SLC1A2: variants seen among roughly 807,000 people sequenced by gnomAD.
SLC1A2 encodes solute carrier family 1 member 2.
A neutral mutation model predicts 48.8 loss-of-function variants in SLC1A2; 15 were observed. The ratio of observed to expected loss-of-function variants is 0.31; its 90% CI spans 0.21 to 0.47. The LOEUF is 0.47. Among genes scored for constraint, SLC1A2 ranks in the 20% least tolerant of loss-of-function variants. The pLI is 0.99. For synonymous variants in SLC1A2, 279 were observed against 272.6 expected (o/e 1.02, Z -0.23); for missense variants, 502 against 730.5 (o/e 0.69, Z 3.61).
Position 35,259,502 on chromosome 11 carries a change from G to C in SLC1A2, c.*1392C>G, listed in dbSNP as rs1950363248. On this transcript the variant is annotated 3_prime_UTR_variant, in exon 11 of 11. Coordinates refer to ENST00000278379, the MANE Select transcript of SLC1A2 (RefSeq NM_004171.4). ...TTGCATTACCAATCATTAAGGATTT[G>C]TTGGCTGCCTACTGCATGCAAGGCA... is the stretch of plus-strand genomic sequence containing the variant. 2 of 152,624 alleles carry C rather than the reference G, an allele frequency of 1.3e-5. No homozygotes were observed. Among genetic ancestry groups the C allele is most frequent in the East Asian group, 3.9e-4 (2 of 5,188 alleles). 9.5% of individuals were successfully genotyped at this position (152,624 alleles called of 1,614,324 possible).
chr11:35,401,331 C>T (rs1855134406), intron 1 of SLC1A2, among the ~76,000 whole-genome samples: 1 of 152,168 alleles, frequency 6.6e-6, no homozygotes, highest in Non-Finnish European at 1.5e-5. Flanking sequence ...CAGGGCATTT[C>T]AAAATATGTT....
chr11:35,344,288 G>A (rs1380410814), intron 1 of SLC1A2, among the ~76,000 whole-genome samples: 8 of 152,166 alleles, frequency 5.3e-5, no homozygotes, highest in African/African-American at 7.2e-5. Context: ...ACTGTTGAGC[G>A]GGATATTTAA....
chr11:35,415,819 G>A (rs766984344), intron 1 of SLC1A2, among the ~76,000 whole-genome samples: 1 of 152,146 alleles, frequency 6.6e-6, no homozygotes, highest in Non-Finnish European at 1.5e-5. Context: ...CTGACATACA[G>A]AGTGACCTAG....
At chr11:35,362,161 G>C (rs1163056680) in intron 1 of SLC1A2, among the ~76,000 whole-genome samples, 1 of 152,164 alleles carries the variant, frequency 6.6e-6, no homozygotes, top group Non-Finnish European at 1.5e-5. Flanking sequence ...CCAGACAGCA[G>C]ATGCCCAAGA....
At chr11:35,373,560 C>G (rs9736291) in intron 1 of SLC1A2, among the ~76,000 whole-genome samples, 1 of 152,134 alleles carries the variant, frequency 6.6e-6, no homozygotes, top group African/African-American at 2.4e-5. Flanking sequence ...CAAGGTGAAA[C>G]TAAGTGGGAA....
chr11:35,412,465 G>A (rs568143375), intron 1 of SLC1A2, among the ~76,000 whole-genome samples: 2 of 152,288 alleles, frequency 1.3e-5, no homozygotes, highest in Admixed American at 6.5e-5. Flanking sequence ...GCTTCCAAAG[G>A]GAGTCAGACC....
chr11:35,312,132 C>A lies in SLC1A2; in HGVS notation c.561+66G>T, dbSNP rs1851726686. On this transcript the variant is annotated intron_variant, in intron 4 of 10. Transcript: ENST00000278379. ...TACCCAGAGTTGGTCTGTTAAAATA[C>A]TCTTAAGTTATCGCCTTGATAACTT... The A allele has an allele frequency of 1.9e-6, 3 of 1,545,138 alleles. No homozygotes were observed. The Admixed American group carries it at 5.2e-5, about 27-fold the overall frequency.
At chr11:35,311,587 T>G (rs931349662) in intron 4 of SLC1A2, among the ~76,000 whole-genome samples, 1 of 152,164 alleles carries the variant, frequency 6.6e-6, no homozygotes, top group Non-Finnish European at 1.5e-5. Context: ...AACTTTTACT[T>G]TGTGTACTTC....
intron 7 of SLC1A2, among the ~76,000 whole-genome samples, chr11:35,289,128 A>T (rs1160628204): frequency 6.6e-6 from 1 of 152,172 alleles, no homozygotes; most frequent in Non-Finnish European, 1.5e-5. Context: ...GACTGCACTG[A>T]AGTTGGAGGG....
At position 35,292,758 on chromosome 11, in the gene SLC1A2, G is replaced by T. The variant is rs1267696663; in HGVS notation, c.858-238C>A. On this transcript the variant is annotated intron_variant, in intron 6 of 10. Transcript: ENST00000278379. ...GTCCAAAGGCAAATTTTGTGGCTAA[G>T]GTGAGTTCTAGGAATAAAGGAGAGA... Among the ~76,000 whole-genome samples the T allele has an allele frequency of 2.6e-5, 4 of 152,132 alleles. No homozygotes were observed. In the South Asian group the frequency reaches 6.2e-4, roughly 24 times the overall value.
At chr11:35,356,015 T>G (rs566580439) in intron 1 of SLC1A2, among the ~76,000 whole-genome samples, 4 of 152,318 alleles carry the variant, frequency 2.6e-5, no homozygotes, top group Non-Finnish European at 4.4e-5. Flanking sequence ...CAGAGCTGTT[T>G]CTCTTTAGTT....
chr11:35,411,033 T>C (rs2135296526), intron 1 of SLC1A2, among the ~76,000 whole-genome samples: 1 of 152,354 alleles, frequency 6.6e-6, no homozygotes, highest in Non-Finnish European at 1.5e-5. Context: ...TAATGAGTTC[T>C]ACATTTGAAA....
At chr11:35,387,165 C>A (rs1013397169) in intron 1 of SLC1A2, among the ~76,000 whole-genome samples, 11 of 152,196 alleles carry the variant, frequency 7.2e-5, no homozygotes, top group South Asian at 2.1e-4. Context: ...CCTGGTCAAT[C>A]AATCACTGAA....
chr11:35,306,054 C>A lies in SLC1A2; in HGVS notation c.730+20G>T. On this transcript the variant is annotated intron_variant, in intron 5 of 10. Transcript: ENST00000278379. ...AGCCATTGCCAGGGAAGCAGAATCC[C>A]GGACCACCAGCTGGCCTACCTAAGA... is the stretch of plus-strand genomic sequence containing the variant. 6.2e-7 allele frequency: 1 copy of A among 1,610,764 alleles called. No homozygotes were observed. The highest frequency in any genetic ancestry group is 8.5e-7 in the Non-Finnish European group (1 of 1,177,874).
rs116341379 is a variant in SLC1A2, at chr11:35,314,844, G to T, written c.310+179C>A. 2,492 of 429,066 alleles carry T rather than the reference G, an allele frequency of 5.8e-3. 68 individuals are homozygous for T. Among genetic ancestry groups the T allele is most frequent in the African/African-American group, 0.045 (2,270 of 50,328 alleles). 26.6% of individuals were successfully genotyped at this position (429,066 alleles called of 1,614,324 possible). A position where few individuals can be genotyped will look rare whatever the true frequency, so the allele number is the denominator to read the frequency against. On this transcript the variant is annotated intron_variant, in intron 3 of 10. Coordinates refer to ENST00000278379, the MANE Select transcript of SLC1A2 (RefSeq NM_004171.4). The stretch of plus-strand genomic sequence containing the variant: ...AGACAAATAGACTGACTAATCGATG[G>T]CAAGCTTTTATTTCTTTAGGGTTGA...
chr11:35,342,521 TTTGTTG>T (rs149828426), intron 1 of SLC1A2, among the ~76,000 whole-genome samples: 22 of 151,282 alleles, frequency 1.5e-4, no homozygotes, highest in African/African-American at 4.9e-4. Flanking sequence ...GAGTGTTTTT[TTTGTTG>T]TTGTTGTTGT....
At chr11:35,266,432 A>C (rs1429222307) in intron 9 of SLC1A2, among the ~76,000 whole-genome samples, 3 of 152,196 alleles carry the variant, frequency 2.0e-5, no homozygotes, top group Non-Finnish European at 4.4e-5. Context: ...TGCTCTATTA[A>C]CCTAAAAAAA....
rs1950373026 is a variant in SLC1A2 at position 35,260,263 on chromosome 11, T to C, written c.*631A>G. 1.3e-5 allele frequency: 2 copies of C among 152,354 alleles called. No homozygotes were observed. Among genetic ancestry groups the C allele is most frequent in the Non-Finnish European group, 2.9e-5 (2 of 68,158 alleles). 9.4% of individuals were successfully genotyped at this position (152,354 alleles called of 1,614,324 possible). ...CAGGGTAAGGCAGAGATGTAACAGG[T>C]TCTTTAATCAACTGCCTTTAAGAGC... On this transcript the variant is annotated 3_prime_UTR_variant, in exon 11 of 11. Transcript: ENST00000278379.
At chr11:35,350,467 G>C (rs1024945314) in intron 1 of SLC1A2, among the ~76,000 whole-genome samples, 2 of 152,176 alleles carry the variant, frequency 1.3e-5, no homozygotes, top group African/African-American at 4.8e-5. Flanking sequence ...ATTAGGGTGA[G>C]AAGGTAAAGA....
Sources: allele counts gnomAD v4.1 joint callset (sites outside exome capture counted in the v4.1 genomes callset), GRCh38; gene constraint gnomAD v4.1.1; transcripts MANE v1.5; gene names NCBI Gene and HGNC (gene_info 2026-07-23, HGNC 2026-07-21).